Variants in TBC1D16 observed in about 807,000 individuals in gnomAD.
The protein encoded by TBC1D16 is CTD-2529O21.1.
Under a neutral mutation model 74.7 loss-of-function variants are expected in TBC1D16, and 58 were observed. That is an observed-to-expected ratio of 0.78 (90% CI 0.63 to 0.97). The LOEUF is 0.97. Ranked by LOEUF, TBC1D16 falls within the 50% of genes least tolerant of loss-of-function variation. The probability of loss-of-function intolerance (pLI) is 0.00; values close to 1 mark genes in which losing one functional copy is unlikely to be tolerated. For missense variants in TBC1D16, 1,014 were observed against 1,079.5 expected (o/e 0.94, Z 0.85); for synonymous variants, 493 against 474.7 (o/e 1.04, Z -0.50).
At position 79,984,619 on chromosome 17, in the gene TBC1D16, GTGAA is replaced by G. The variant is rs1345851781; in HGVS notation, c.779+25537_779+25540del. ...GAGAAAGAAAAGAGGGAGGGAGGGA[GTGAA>G]GGAAGGAAGGAAGGAAGGAAGGAAG... On this transcript the variant is annotated intron_variant, in intron 3 of 11. Transcript: ENST00000310924. 1.7e-3 allele frequency among the ~76,000 whole-genome samples: 174 copies of G among 102,524 alleles called. 1 individual carries two copies. The highest frequency in any genetic ancestry group is 2.6e-3 in the African/African-American group (64 of 24,462). The allele number at this position is 102,524 out of a possible 152,430, so 67.3% of individuals were successfully genotyped here.
chr17:79,978,792 T>C (rs141598678), intron 3 of TBC1D16, among the ~76,000 whole-genome samples: 21 of 152,330 alleles, frequency 1.4e-4, no homozygotes, highest in African/African-American at 1.4e-4. Context: ...TGTTTTTCTT[T>C]TTCCCTTAAG....
chr17:80,030,763 G>A (rs899259876), intron 1 of TBC1D16, among the ~76,000 whole-genome samples: 6 of 152,128 alleles, frequency 3.9e-5, no homozygotes, highest in Non-Finnish European at 7.4e-5. Context: ...ACAGGCAGGG[G>A]CAGAGGCAGA....
At chr17:80,029,374 G>A (rs1487062163) in intron 1 of TBC1D16, among the ~76,000 whole-genome samples, 1 of 152,124 alleles carries the variant, frequency 6.6e-6, no homozygotes, top group Non-Finnish European at 1.5e-5. Flanking sequence ...TGTTGGGTTG[G>A]AGCTGACACA....
intron 1 of TBC1D16, among the ~76,000 whole-genome samples, chr17:80,017,509 C>A (rs1342709162): frequency 2.6e-5 from 4 of 151,834 alleles, no homozygotes; most frequent in Admixed American, 2.6e-4. Context: ...TGGAGAAATT[C>A]CATCTCTACT....
intron 3 of TBC1D16, among the ~76,000 whole-genome samples, chr17:79,960,297 T>C (rs951329920): frequency 6.6e-6 from 1 of 152,158 alleles, no homozygotes; most frequent in Non-Finnish European, 1.5e-5. Context: ...GGCAAAAGAT[T>C]TGAAAAGACA....
intron 1 of TBC1D16, among the ~76,000 whole-genome samples, chr17:80,021,726 GACAC>G (rs1346261129): frequency 7.1e-6 from 1 of 141,726 alleles, no homozygotes; most frequent in East Asian, 2.0e-4. Flanking sequence ...ACACACCACA[GACAC>G]ACACACTGCA....
intron 1 of TBC1D16, among the ~76,000 whole-genome samples, chr17:80,015,973 T>C (rs1182474832): frequency 7.4e-6 from 1 of 134,546 alleles, no homozygotes; most frequent in Non-Finnish European, 1.5e-5. Context: ...ATCACGCCAC[T>C]GCACTCCAGC....
At chr17:79,982,682 G>A (rs1425398941) in intron 3 of TBC1D16, among the ~76,000 whole-genome samples, 7 of 150,450 alleles carry the variant, frequency 4.7e-5, no homozygotes, top group African/African-American at 7.3e-5. Flanking sequence ...GGGAAACTCC[G>A]CATCTACTAA....
rs145878577 is a variant in TBC1D16 at position 79,949,773 on chromosome 17, C to T, written c.1350G>A (p.Glu450=). The change falls in exon 7 of 12, where the codon GAG becomes GAA. Residue 450 remains glutamate, a synonymous_variant. Coordinates refer to ENST00000310924, the MANE Select transcript of TBC1D16 (RefSeq NM_019020.4). ...RYYSHESTSE[E]REALRLQKRK... ...GCTTCTGCAGCCGCAGCGCCTCCCG[C>T]TCCTCCGACGTGGACTCGTGGCTGT... 5 of 1,613,556 alleles carry T rather than the reference C, an allele frequency of 3.1e-6. No individual in the cohort carries two copies. Among genetic ancestry groups the T allele is most frequent in the East Asian group, 2.2e-5 (1 of 44,884 alleles).
chr17:79,995,740 G>C (rs867633511), intron 3 of TBC1D16, among the ~76,000 whole-genome samples: 18 of 151,970 alleles, frequency 1.2e-4, no homozygotes, highest in Admixed American at 1.1e-3. Flanking sequence ...AGCCGAGATC[G>C]CGCCCCTGCA....
rs2035767845 is a variant in TBC1D16 at position 80,008,690 on chromosome 17, C to T, written c.779+1470G>A. ...CCCTGGCGCCTGACGCCACCCAGCT[C>T]AGCAAGCCTCCTGGCACCTGGAGTC... On this transcript the variant is annotated intron_variant, in intron 3 of 11. Transcript: ENST00000310924. The surrounding 1 kb of genome is among the most constrained non-coding windows in gnomAD (Gnocchi z 4.5). Among the ~76,000 whole-genome samples the T allele has an allele frequency of 6.6e-6, 1 of 152,208 alleles. No individual in the cohort carries two copies. The highest frequency in any genetic ancestry group is 1.5e-5 in the Non-Finnish European group (1 of 68,036).
At position 79,950,798 on chromosome 17, in the gene TBC1D16, C is replaced by G; in HGVS notation, c.1090-220G>C. The G allele has an allele frequency of 6.5e-7, 1 of 1,536,070 alleles. No homozygotes were observed. Among genetic ancestry groups the G allele is most frequent in the Non-Finnish European group, 8.7e-7 (1 of 1,146,856 alleles). The stretch of plus-strand genomic sequence containing the variant: ...TTTCCCTCTGCGGCTCTCTCCTCCC[C>G]GGCCCACTGTGCCGCCGCCCCCCAC... On this transcript the variant is annotated intron_variant, in intron 5 of 11. Transcript: ENST00000310924. This position sits in a 1 kb window ranked among gnomAD's most constrained non-coding sequence, Gnocchi z 4.6.
chr17:79,971,581 T>A lies in TBC1D16; in HGVS notation c.780-18763A>T, dbSNP rs181953594. ...GTTGCTGGTAGACACCATTTTGGAA[T>A]AATGGCTCAGGGGCAATTAGAAAAG... On this transcript the variant is annotated intron_variant, in intron 3 of 11. Coordinates refer to ENST00000310924, the MANE Select transcript of TBC1D16 (RefSeq NM_019020.4). This position sits in a 1 kb window ranked among gnomAD's most constrained non-coding sequence, Gnocchi z 4.6. 1.3e-5 allele frequency among the ~76,000 whole-genome samples: 2 copies of A among 152,290 alleles called. No individual in the cohort carries two copies. The highest frequency in any genetic ancestry group is 1.9e-4 in the East Asian group (1 of 5,188).
Position 80,009,148 on chromosome 17 carries a change from C to T in TBC1D16, c.779+1012G>A, listed in dbSNP as rs2035786105. 1.3e-5 allele frequency among the ~76,000 whole-genome samples: 2 copies of T among 152,256 alleles called. No homozygotes were observed. Among genetic ancestry groups the T allele is most frequent in the Non-Finnish European group, 2.9e-5 (2 of 68,042 alleles). ...CACGGTGTCCAGCGCCCAGGCGAGA[C>T]CCAGACCACCCACGTCCAGCATGCG... On this transcript the variant is annotated intron_variant, in intron 3 of 11. Coordinates refer to ENST00000310924, the MANE Select transcript of TBC1D16 (RefSeq NM_019020.4). The surrounding 1 kb of genome is among the most constrained non-coding windows in gnomAD (Gnocchi z 5.4).
chr17:80,034,846 G>T (rs990354205), intron 1 of TBC1D16, among the ~76,000 whole-genome samples: 1 of 152,116 alleles, frequency 6.6e-6, no homozygotes, highest in African/African-American at 2.4e-5. Flanking sequence ...GCAATATGCC[G>T]CCTCACGTGA....
At chr17:79,955,239 G>C (rs536012058) in intron 3 of TBC1D16, among the ~76,000 whole-genome samples, 1 of 152,326 alleles carries the variant, frequency 6.6e-6, no homozygotes, top group Admixed American at 6.5e-5. Flanking sequence ...GGAGACCTCA[G>C]TTCGCTTTCA....
chr17:79,981,210 A>C lies in TBC1D16; in HGVS notation c.780-28392T>G, dbSNP rs1187752395. Among the ~76,000 whole-genome samples the C allele has an allele frequency of 6.6e-6, 1 of 152,154 alleles. No homozygotes were observed. Among genetic ancestry groups the C allele is most frequent in the African/African-American group, 2.4e-5 (1 of 41,420 alleles). ...TCGGCTTTTCCCATCCCCTGGGCCT[A>C]GTTTCAGGGGAGCCAGCATCTTCCG... is the stretch of plus-strand genomic sequence containing the variant. On this transcript the variant is annotated intron_variant, in intron 3 of 11. Coordinates refer to ENST00000310924, the MANE Select transcript of TBC1D16 (RefSeq NM_019020.4). The surrounding 1 kb of genome is among the most constrained non-coding windows in gnomAD (Gnocchi z 6.9).
In TBC1D16 at chr17:79,954,553, G is replaced by A. The variant is rs974804612; in HGVS notation, c.780-1735C>T. Among the ~76,000 whole-genome samples, 2 of 152,004 alleles carry A rather than the reference G, an allele frequency of 1.3e-5. No homozygotes were observed. The highest frequency in any genetic ancestry group is 2.9e-5 in the Non-Finnish European group (2 of 67,998). ...TCACCTGAACTGCCGTGGCTGCGCC[G>A]CGGACGGGCCCAGAAGACCGAGGGC... is the stretch of plus-strand genomic sequence containing the variant. On this transcript the variant is annotated intron_variant, in intron 3 of 11. Transcript: ENST00000310924. The surrounding 1 kb of genome is among the most constrained non-coding windows in gnomAD (Gnocchi z 5.5).
intron 2 of TBC1D16, among the ~76,000 whole-genome samples, chr17:80,011,365 A>G (rs1450189427): frequency 6.6e-6 from 1 of 152,044 alleles, no homozygotes; most frequent in Non-Finnish European, 1.5e-5. Flanking sequence ...CACCTTTCCA[A>G]GTACACCAGG....
Sources: allele counts gnomAD v4.1 joint callset (sites outside exome capture counted in the v4.1 genomes callset), GRCh38; gene constraint gnomAD v4.1.1; non-coding constraint Gnocchi (gnomAD v3.1); transcripts MANE v1.5; gene names NCBI Gene and HGNC (gene_info 2026-07-23, HGNC 2026-07-21).